DNAH12: variants seen among roughly 807,000 people sequenced by gnomAD.
The protein encoded by DNAH12 is dynein axonemal heavy chain 12.
Under a neutral mutation model 371.5 loss-of-function variants are expected in DNAH12, and 285 were observed. That is an observed-to-expected ratio of 0.77 (90% CI 0.70 to 0.85). The LOEUF is 0.85. Ranked by LOEUF, DNAH12 falls within the 40% of genes least tolerant of loss-of-function variation. The pLI, the probability that DNAH12 is intolerant of heterozygous loss-of-function variation, is 0.00. For missense variants in DNAH12, 3,611 were observed against 3,689.4 expected (o/e 0.98, Z 0.55); for synonymous variants, 1,200 against 1,213.0 (o/e 0.99, Z 0.22).
In DNAH12 at chr3:57,445,207, T is replaced by C. The variant is rs1453172552; in HGVS notation, c.4392A>G (p.Lys1464=). The part of the protein sequence containing the change: ...KAVLVAAGNL[K]LKYPNENEDI... ...CTTCATTTTCATTTGGGTATTTTAG[T>C]TTTAGATTGCCAGCAGCCACTAAAA... Residue 1464 remains lysine (K), a synonymous_variant, in exon 28 of 74, where the codon AAA becomes AAG. Coordinates refer to ENST00000495027, the MANE Select transcript of DNAH12 (RefSeq NM_001366028.2). 8 of 1,548,456 alleles carry C rather than the reference T, an allele frequency of 5.2e-6. No homozygotes were observed. Among genetic ancestry groups the C allele is most frequent in the Non-Finnish European group, 7.0e-6 (8 of 1,145,430 alleles).
rs374956034 is a variant in DNAH12, at chr3:57,311,476, C to T, written c.10663-526G>A. Among the ~76,000 whole-genome samples the T allele has an allele frequency of 1.1e-3, 167 of 152,288 alleles. 1 individual carries two copies. Among genetic ancestry groups the T allele is most frequent in the African/African-American group, 3.8e-3 (158 of 41,570 alleles). Reference sequence around the variant, plus strand: ...GAGAAAAACATTTAATAAAAAAAGACGACATGGAAATTACCAAGTATTTTT... The same window carrying T: ...GAGAAAAACATTTAATAAAAAAAGATGACATGGAAATTACCAAGTATTTTT... On this transcript the variant is annotated intron_variant, in intron 66 of 73. Coordinates refer to ENST00000495027, the MANE Select transcript of DNAH12 (RefSeq NM_001366028.2).
intron 58 of DNAH12, among the ~76,000 whole-genome samples, chr3:57,360,873 A>C (rs1397222673): frequency 2.6e-5 from 4 of 152,140 alleles, no homozygotes; most frequent in African/African-American, 9.7e-5. Flanking sequence ...AAAAGGCCTG[A>C]AGATCAATAA....
At chr3:57,438,609 A>G (rs9878353) in intron 29 of DNAH12, among the ~76,000 whole-genome samples, 75,709 of 151,834 alleles carry the variant, frequency 0.5, 18,982 homozygotes, top group South Asian at 0.57. Flanking sequence ...ATGTACAAAA[A>G]TCAGTAGCAT....
At chr3:57,507,315 TCAAC>T (rs2067798215) in intron 8 of DNAH12, among the ~76,000 whole-genome samples, 3 of 152,086 alleles carry the variant, frequency 2.0e-5, no homozygotes. Context: ...TGAGAATCAA[TCAAC>T]TTGGAATCTA....
intron 29 of DNAH12, among the ~76,000 whole-genome samples, chr3:57,443,540 TATTTTTGTTATTTTAA>T (rs1433132369): frequency 6.6e-6 from 1 of 152,204 alleles, no homozygotes; most frequent in Non-Finnish European, 1.5e-5. Flanking sequence ...GTTTGTGTCT[TATTTTTGTTATTTTAA>T]ATTTTTAATT....
intron 9 of DNAH12, 94 bp from the exon 10 acceptor site, chr3:57,502,573 G>A (rs543294920): frequency 1.3e-5 from 17 of 1,311,434 alleles, no homozygotes; most frequent in Admixed American, 1.2e-4. Context: ...CTTTGGAGAC[G>A]GAGTCTTGCT....
intron 25 of DNAH12, among the ~76,000 whole-genome samples, chr3:57,447,800 A>C (rs2065566813): frequency 6.6e-6 from 1 of 151,912 alleles, no homozygotes; most frequent in South Asian, 2.1e-4. Context: ...CAGCCTCCCG[A>C]GTAGCGAGGA....
At chr3:57,359,389 A>G (rs2062870003) in intron 58 of DNAH12, among the ~76,000 whole-genome samples, 1 of 151,472 alleles carries the variant, frequency 6.6e-6, no homozygotes, top group African/African-American at 2.4e-5. Context: ...GAGAAACCCC[A>G]TCTCTACTAA....
chr3:57,500,017 G>T (rs2067478431), intron 11 of DNAH12, among the ~76,000 whole-genome samples: 1 of 149,362 alleles, frequency 6.7e-6, no homozygotes, highest in Non-Finnish European at 1.5e-5. Flanking sequence ...TCTTTCAATT[G>T]CCTTTTCCCC....
At chr3:57,429,166 C>G (rs1238476487) in intron 33 of DNAH12, among the ~76,000 whole-genome samples, 2 of 128,022 alleles carry the variant, frequency 1.6e-5, no homozygotes, top group African/African-American at 5.9e-5. Flanking sequence ...CAGATGCTCA[C>G]TCCTCTCCAC....
chr3:57,296,809 T>C (rs766033073), intron 71 of DNAH12, 38 bp downstream of exon 71: 1 of 1,541,312 alleles, frequency 6.5e-7, no homozygotes, highest in Non-Finnish European at 8.8e-7. Context: ...CATGACTTAA[T>C]GTAATGATAT....
chr3:57,437,816 C>T (rs2153367757), intron 29 of DNAH12, among the ~76,000 whole-genome samples: 1 of 152,290 alleles, frequency 6.6e-6, no homozygotes, highest in South Asian at 2.1e-4. Context: ...ATGCTTAGAT[C>T]CCAAAATCCT....
At position 57,524,217 on chromosome 3, in the gene DNAH12, C is replaced by T. The variant is rs77699163; in HGVS notation, c.171-333G>A. The stretch of plus-strand genomic sequence containing the variant: ...TGCCGGTCTGTCAGAGAAGCCTCCC[C>T]GTACCCCCATATTAAGTAGTACCTC... On this transcript the variant is annotated intron_variant, in intron 2 of 73. Coordinates refer to ENST00000495027, the MANE Select transcript of DNAH12 (RefSeq NM_001366028.2). 9.0e-4 allele frequency among the ~76,000 whole-genome samples: 137 copies of T among 152,174 alleles called. 1 individual carries two copies. The South Asian group carries it at 0.015, about 17-fold the overall frequency.
At chr3:57,354,412 T>G (rs1219277750) in intron 59 of DNAH12, among the ~76,000 whole-genome samples, 3 of 151,844 alleles carry the variant, frequency 2.0e-5, no homozygotes, top group African/African-American at 7.3e-5. Context: ...ATTACCTGGG[T>G]GATGAAATAA....
chr3:57,514,840 A>G (rs751294371), intron 4 of DNAH12, among the ~76,000 whole-genome samples: 4 of 152,116 alleles, frequency 2.6e-5, no homozygotes, highest in Non-Finnish European at 5.9e-5. Context: ...ACTAACCAAT[A>G]CTGAACACAA....
At chr3:57,442,048 T>TG (rs1450914126) in intron 29 of DNAH12, among the ~76,000 whole-genome samples, 14 of 151,782 alleles carry the variant, frequency 9.2e-5, no homozygotes, top group Non-Finnish European at 1.5e-5. Context: ...CAGGGTGGGG[T>TG]GGGGAGGAGA....
intron 17 of DNAH12, among the ~76,000 whole-genome samples, chr3:57,467,409 A>G (rs903208685): frequency 2.0e-5 from 3 of 152,230 alleles, no homozygotes; most frequent in Non-Finnish European, 4.4e-5. Flanking sequence ...GGCATAAGAC[A>G]CCATGCCTGG....
intron 13 of DNAH12, among the ~76,000 whole-genome samples, chr3:57,477,498 G>A (rs1343238071): frequency 6.6e-6 from 1 of 152,146 alleles, no homozygotes; most frequent in Non-Finnish European, 1.5e-5. Flanking sequence ...ACCTCCAGGG[G>A]CAGGGCACAG....
At chr3:57,308,814 A>G (rs1421225166) in intron 69 of DNAH12, among the ~76,000 whole-genome samples, 1 of 152,114 alleles carries the variant, frequency 6.6e-6, no homozygotes, top group Admixed American at 6.5e-5. Flanking sequence ...TAGTCCTTTA[A>G]TACCTGTTTT....
Sources: gnomAD v4.1 joint callset for allele counts (sites outside exome capture counted in the v4.1 genomes callset) on GRCh38, gnomAD v4.1.1 for gene constraint, MANE v1.5 for transcripts, NCBI Gene and HGNC (gene_info 2026-07-23, HGNC 2026-07-21) for gene names.